Variants in FRMD4A observed in about 807,000 individuals in gnomAD.
FRMD4A encodes FERM domain containing 4A.
Under a neutral mutation model 129.1 loss-of-function variants are expected in FRMD4A, and 29 were observed. The ratio of observed to expected loss-of-function variants is 0.22; its 90% CI spans 0.17 to 0.31. The LOEUF is 0.31. Among genes scored for constraint, FRMD4A ranks in the 10% least tolerant of loss-of-function variants. The pLI is 1.00. For missense variants in FRMD4A, 1,272 were observed against 1,375.8 expected, an observed-to-expected ratio of 0.92 and a Z score of 1.19; for synonymous variants, 634 against 571.6, an observed-to-expected ratio of 1.11 and a Z score of -1.56.
At chr10:14,145,377 T>C (rs1032844261) in intron 2 of FRMD4A, among the ~76,000 whole-genome samples, 1 of 152,216 alleles carries the variant, frequency 6.6e-6, no homozygotes, top group Non-Finnish European at 1.5e-5. Context: ...GTTCTATTTA[T>C]AGGTCATTAA....
chr10:14,104,716 A>G (rs1837496224), intron 2 of FRMD4A, among the ~76,000 whole-genome samples: 1 of 152,214 alleles, frequency 6.6e-6, no homozygotes, highest in Non-Finnish European at 1.5e-5. Flanking sequence ...AGAGCAAGGG[A>G]AATTGCCAAC....
At chr10:14,202,685 G>A (rs538924517) in intron 2 of FRMD4A, among the ~76,000 whole-genome samples, 1 of 152,298 alleles carries the variant, frequency 6.6e-6, no homozygotes, top group Admixed American at 6.5e-5. Flanking sequence ...ACAGGCATGA[G>A]CCACCGCGAC....
chr10:14,228,873 C>A (rs1042234174), intron 2 of FRMD4A, among the ~76,000 whole-genome samples: 2 of 152,018 alleles, frequency 1.3e-5, no homozygotes, highest in African/African-American at 4.8e-5. Context: ...GGTCAGTTGT[C>A]TAGAACTTCT....
At chr10:13,677,834 C>T (rs2084132281) in intron 15 of FRMD4A, among the ~76,000 whole-genome samples, 1 of 152,140 alleles carries the variant, frequency 6.6e-6, no homozygotes, top group Admixed American at 6.5e-5. Flanking sequence ...GAATGTAAAA[C>T]AATACTGGAA....
chr10:14,274,862 G>A (rs1023594439), intron 2 of FRMD4A, among the ~76,000 whole-genome samples: 1 of 152,144 alleles, frequency 6.6e-6, no homozygotes, highest in African/African-American at 2.4e-5. Flanking sequence ...GGAGTCACCT[G>A]ACCCTTCCTT....
At chr10:13,677,438 G>A (rs916181683) in intron 15 of FRMD4A, among the ~76,000 whole-genome samples, 16 of 152,124 alleles carry the variant, frequency 1.1e-4, no homozygotes, top group African/African-American at 3.9e-4. Context: ...CCTACCTTCC[G>A]AGCTTTGAAT....
chr10:13,875,444 T>C (rs1214398099), intron 2 of FRMD4A, among the ~76,000 whole-genome samples: 1 of 152,206 alleles, frequency 6.6e-6, no homozygotes, highest in Non-Finnish European at 1.5e-5. Context: ...CAGGCATGCA[T>C]ATCAGATTTA....
At chr10:14,057,481 A>C (rs1834591418) in intron 2 of FRMD4A, among the ~76,000 whole-genome samples, 1 of 152,236 alleles carries the variant, frequency 6.6e-6, no homozygotes, top group Admixed American at 6.5e-5. Context: ...AGGAAAAGGC[A>C]ACATGAGTCA....
At chr10:13,911,848 C>T (rs767537155) in intron 2 of FRMD4A, among the ~76,000 whole-genome samples, 6 of 152,100 alleles carry the variant, frequency 3.9e-5, no homozygotes, top group Non-Finnish European at 8.8e-5. Flanking sequence ...AGGTATGAGC[C>T]ACTGTGCCTG....
At position 13,854,104 on chromosome 10, in the gene FRMD4A, C is replaced by G. The variant is rs572659800; in HGVS notation, c.111+4743G>C. On this transcript the variant is annotated intron_variant, in intron 3 of 24. Coordinates refer to ENST00000357447, the MANE Select transcript of FRMD4A (RefSeq NM_018027.5). ...TTTTATGAAGGTCAAGAGAAAGAGT[C>G]CAGAATCTTTCCTACTAACGGCTTC... Among the ~76,000 whole-genome samples, 14 of 152,226 alleles carry G rather than the reference C, an allele frequency of 9.2e-5. No homozygotes were observed. The South Asian group carries it at 2.9e-3, about 32-fold the overall frequency.
At chr10:14,113,418 T>C (rs927965007) in intron 2 of FRMD4A, among the ~76,000 whole-genome samples, 1 of 152,168 alleles carries the variant, frequency 6.6e-6, no homozygotes, top group Non-Finnish European at 1.5e-5. Context: ...CTTAGCAACA[T>C]TTTCTTTTCT....
chr10:13,971,466 T>A (rs1214914752), intron 2 of FRMD4A, among the ~76,000 whole-genome samples: 1 of 152,162 alleles, frequency 6.6e-6, no homozygotes, highest in Non-Finnish European at 1.5e-5. Context: ...ACGGTGCACT[T>A]CACGTGGCGC....
intron 3 of FRMD4A, among the ~76,000 whole-genome samples, chr10:13,825,487 T>C (rs1346101719): frequency 6.6e-6 from 1 of 152,218 alleles, no homozygotes; most frequent in Non-Finnish European, 1.5e-5. Flanking sequence ...GCGAGGGATC[T>C]AGGTTGTATG....
At chr10:14,102,354 C>T (rs753991470) in intron 2 of FRMD4A, among the ~76,000 whole-genome samples, 2 of 152,182 alleles carry the variant, frequency 1.3e-5, no homozygotes, top group South Asian at 2.1e-4. Flanking sequence ...TAGTGAAACC[C>T]CATCTCTACT....
intron 2 of FRMD4A, among the ~76,000 whole-genome samples, chr10:14,213,228 A>T (rs1375802140): frequency 1.3e-5 from 2 of 152,196 alleles, no homozygotes; most frequent in South Asian, 4.1e-4. Flanking sequence ...TGAGTGACAG[A>T]GAAAGACCCT....
chr10:14,323,817 G>C (rs866676392), intron 2 of FRMD4A, among the ~76,000 whole-genome samples: 7 of 152,182 alleles, frequency 4.6e-5, no homozygotes, highest in African/African-American at 1.4e-4. Context: ...TGTTATTCAA[G>C]AGATCCAAAG....
intron 2 of FRMD4A, among the ~76,000 whole-genome samples, chr10:14,110,561 A>G (rs1837846240): frequency 6.6e-6 from 1 of 152,214 alleles, no homozygotes; most frequent in Non-Finnish European, 1.5e-5. Context: ...TTGAGACGGC[A>G]AGACTGGAAG....
chr10:14,036,319 T>G (rs936355834), intron 2 of FRMD4A, among the ~76,000 whole-genome samples: 2 of 152,214 alleles, frequency 1.3e-5, no homozygotes, highest in African/African-American at 2.4e-5. Context: ...TTCAGGGTAC[T>G]CCTGGGTGTG....
intron 2 of FRMD4A, among the ~76,000 whole-genome samples, chr10:13,869,364 G>C (rs930559169): frequency 6.6e-6 from 1 of 152,244 alleles, no homozygotes; most frequent in African/African-American, 2.4e-5. Flanking sequence ...CAGCTCAGTT[G>C]TGTGATGTGG....
Sources: allele counts gnomAD v4.1 joint callset (sites outside exome capture counted in the v4.1 genomes callset), GRCh38; gene constraint gnomAD v4.1.1; transcripts MANE v1.5; gene names NCBI Gene and HGNC (gene_info 2026-07-23, HGNC 2026-07-21).